Variants in ADRA1A observed in about 807,000 individuals in gnomAD.
ADRA1A encodes adrenoceptor alpha 1A, also known as alpha-1A adrenergic receptor.
A neutral mutation model predicts 29.6 loss-of-function variants in ADRA1A; 31 were observed. The observed-to-expected ratio is 1.05, with a 90% CI of 0.79 to 1.41. ADRA1A has a LOEUF of 1.41. Among genes scored for constraint, ADRA1A ranks in the 40% most tolerant of loss-of-function variants. The pLI is 0.00. For missense variants in ADRA1A, 619 were observed against 601.1 expected, an observed-to-expected ratio of 1.03 and a Z score of -0.31; for synonymous variants, 311 against 254.3, an observed-to-expected ratio of 1.22 and a Z score of -2.12.
In ADRA1A at chr8:26,864,077, C is replaced by A; in HGVS notation, c.883+10G>T. Reference sequence around the variant, plus strand: ...CCCAGATGCTAAAGTGAGGGGTGTTCAAGACTTACCAATGGGCATGACTAA... The same window carrying A: ...CCCAGATGCTAAAGTGAGGGGTGTTAAAGACTTACCAATGGGCATGACTAA... On this transcript the variant is annotated intron_variant, in intron 2 of 2. Coordinates refer to ENST00000380573, the MANE Select transcript of ADRA1A (RefSeq NM_000680.4). This position sits in a 1 kb window ranked among gnomAD's most constrained non-coding sequence, Gnocchi z 8.1. The A allele has an allele frequency of 1.2e-6, 2 of 1,608,226 alleles. No homozygotes were observed. The highest frequency in any genetic ancestry group is 1.3e-5 in the African/African-American group (1 of 74,860).
chr8:26,806,143 C>A lies in ADRA1A; in HGVS notation c.884-35477G>T, dbSNP rs527875897. Among the ~76,000 whole-genome samples the A allele has an allele frequency of 6.6e-6, 1 of 152,204 alleles. No homozygotes were observed. Among genetic ancestry groups the A allele is most frequent in the African/African-American group, 2.4e-5 (1 of 41,536 alleles). On this transcript the variant is annotated intron_variant, in intron 2 of 2. Transcript: ENST00000380573. The surrounding 1 kb of genome is among the most constrained non-coding windows in gnomAD (Gnocchi z 4.6). ...CCCATTCTGTCCTGCCTCTCTTTTCCCCTTACTCCAAGAATGACCCATTAT... is the reference window on the plus strand; with the variant it reads ...CCCATTCTGTCCTGCCTCTCTTTTCACCTTACTCCAAGAATGACCCATTAT...
At chr8:26,784,650 T>G (rs1807245111) in intron 2 of ADRA1A, among the ~76,000 whole-genome samples, 1 of 152,210 alleles carries the variant, frequency 6.6e-6, no homozygotes, top group South Asian at 2.1e-4. Context: ...TTAGAAGAGT[T>G]TCTATCTCAA....
chr8:26,849,361 G>C (rs995069903), intron 2 of ADRA1A, among the ~76,000 whole-genome samples: 2 of 152,218 alleles, frequency 1.3e-5, no homozygotes, highest in African/African-American at 4.8e-5. Flanking sequence ...GAAGGACCCT[G>C]AACTTTCCCA....
In ADRA1A at chr8:26,769,664, C is replaced by T. The variant is rs898369566; in HGVS notation, c.*485G>A. 4.2e-5 allele frequency: 41 copies of T among 985,890 alleles called. No homozygotes were observed. Among genetic ancestry groups the T allele is most frequent in the Middle Eastern group, 5.2e-4 (1 of 1,936 alleles). The allele number at this position is 985,890 out of a possible 1,614,324, so 61.1% of individuals were successfully genotyped here. On this transcript the variant is annotated 3_prime_UTR_variant, in exon 3 of 3. Coordinates refer to ENST00000380573, the MANE Select transcript of ADRA1A (RefSeq NM_000680.4). ...CTCTAAAAATAATGTGTCTGGATCT[C>T]GGCCACCATCTTAATGCTCTTCCTC...
chr8:26,782,324 T>C (rs1298852452), intron 2 of ADRA1A, among the ~76,000 whole-genome samples: 1 of 152,152 alleles, frequency 6.6e-6, no homozygotes. Context: ...TACATATATA[T>C]AGGAATTTTA....
intron 2 of ADRA1A, chr8:26,859,022 G>A (rs1375588144): frequency 3.3e-6 from 4 of 1,224,130 alleles, no homozygotes; most frequent in African/African-American, 1.6e-5. Context: ...CAGTCAAATA[G>A]CCTACTCACC....
intron 2 of ADRA1A, among the ~76,000 whole-genome samples, chr8:26,832,895 T>C (rs945298716): frequency 2.6e-5 from 4 of 152,160 alleles, no homozygotes; most frequent in African/African-American, 9.7e-5. Flanking sequence ...GGATGTTGGC[T>C]GCCTGCAGGA....
At chr8:26,755,821 G>A (rs1302036983), downstream of ADRA1A, among the ~76,000 whole-genome samples, 1 of 152,186 alleles carries the variant, frequency 6.6e-6, no homozygotes, top group African/African-American at 2.4e-5. Flanking sequence ...ATTATAGAGT[G>A]AATAAAGAAA....
chr8:26,816,526 A>G (rs1275379522), intron 2 of ADRA1A, among the ~76,000 whole-genome samples: 4 of 132,262 alleles, frequency 3.0e-5, no homozygotes, highest in Admixed American at 7.7e-5. Flanking sequence ...AGAGGTGCTC[A>G]TGGTGTATGT....
chr8:26,784,818 T>C (rs1807256946), intron 2 of ADRA1A, among the ~76,000 whole-genome samples: 1 of 152,074 alleles, frequency 6.6e-6, no homozygotes, highest in African/African-American at 2.4e-5. Context: ...GGCTAGCATA[T>C]TGGTTTGGGG....
chr8:26,843,161 C>T (rs942242468), intron 2 of ADRA1A, among the ~76,000 whole-genome samples: 6 of 152,114 alleles, frequency 3.9e-5, no homozygotes, highest in Non-Finnish European at 8.8e-5. Flanking sequence ...TATCCTTTTC[C>T]CCAGATTAGA....
rs182528644 is a variant in ADRA1A at position 26,796,756 on chromosome 8, C to G, written c.884-26090G>C. Reference sequence around the variant, plus strand: ...GGGGGGTACAAGATGAAGGGACACCCCTGAAATCGGGCACAGGCACATAGA... The same window carrying G: ...GGGGGGTACAAGATGAAGGGACACCGCTGAAATCGGGCACAGGCACATAGA... On this transcript the variant is annotated intron_variant, in intron 2 of 2. Transcript: ENST00000380573. This position sits in a 1 kb window ranked among gnomAD's most constrained non-coding sequence, Gnocchi z 5.0. Among the ~76,000 whole-genome samples, 1 of 152,160 alleles carries G rather than the reference C, an allele frequency of 6.6e-6. No homozygotes were observed. Among genetic ancestry groups the G allele is most frequent in the East Asian group, 1.9e-4 (1 of 5,180 alleles).
Position 26,866,794 on chromosome 8 carries a change from G to C in ADRA1A, c.-687+142C>G. On this transcript the variant is annotated intron_variant, in intron 1 of 2. Coordinates refer to ENST00000380573, the MANE Select transcript of ADRA1A (RefSeq NM_000680.4). This position sits in a 1 kb window ranked among gnomAD's most constrained non-coding sequence, Gnocchi z 5.7. Reference sequence around the variant, plus strand: ...TCGCAGAAGATGTAAGGGAATCGGGGGTGGGGTAGAGGGGCCGGTATAAAA... The same window carrying C: ...TCGCAGAAGATGTAAGGGAATCGGGCGTGGGGTAGAGGGGCCGGTATAAAA... The C allele has an allele frequency of 1.4e-6, 1 of 719,356 alleles. No individual in the cohort carries two copies. 44.6% of individuals were successfully genotyped at this position (719,356 alleles called of 1,614,324 possible).
intron 2 of ADRA1A, among the ~76,000 whole-genome samples, chr8:26,850,652 C>T (rs746545331): frequency 2.0e-5 from 3 of 152,104 alleles, no homozygotes; most frequent in Non-Finnish European, 4.4e-5. Context: ...TGTGCCACCA[C>T]GCCTAATTTT....
chr8:26,780,341 C>G (rs1234648650), intron 2 of ADRA1A, among the ~76,000 whole-genome samples: 4 of 152,144 alleles, frequency 2.6e-5, no homozygotes. Context: ...GAGTTTCCAA[C>G]ACCAAGGCTT....
At chr8:26,789,166 A>C (rs201662125) in intron 2 of ADRA1A, among the ~76,000 whole-genome samples, 1 of 152,152 alleles carries the variant, frequency 6.6e-6, no homozygotes, top group East Asian at 1.9e-4. Context: ...AAAAGGGTAA[A>C]ATTCATATGG....
chr8:26,755,722 G>A (rs1052313431), downstream of ADRA1A, among the ~76,000 whole-genome samples: 3 of 152,174 alleles, frequency 2.0e-5, no homozygotes, highest in Non-Finnish European at 2.9e-5. Flanking sequence ...TACCATCACA[G>A]GTGCTTGGAG....
chr8:26,830,235 T>C (rs1810878239), intron 2 of ADRA1A, among the ~76,000 whole-genome samples: 1 of 152,214 alleles, frequency 6.6e-6, no homozygotes. Context: ...AGGACTGGTA[T>C]TGGAAGAGAT....
At chr8:26,844,338 A>T (rs757718812) in intron 2 of ADRA1A, among the ~76,000 whole-genome samples, 9 of 152,188 alleles carry the variant, frequency 5.9e-5, no homozygotes, top group Non-Finnish European at 1.2e-4. Flanking sequence ...GAACTTAGGA[A>T]TACAGACATT....
Sources: gnomAD v4.1 joint callset for allele counts (sites outside exome capture counted in the v4.1 genomes callset) on GRCh38, gnomAD v4.1.1 for gene constraint, Gnocchi (gnomAD v3.1) non-coding constraint, MANE v1.5 for transcripts, NCBI Gene and HGNC (gene_info 2026-07-23, HGNC 2026-07-21) for gene names.